MEI4: variants seen among roughly 807,000 people sequenced by gnomAD.
The protein encoded by MEI4 is meiosis-specific protein MEI4.
A neutral mutation model predicts 31.4 loss-of-function variants in MEI4; 27 were observed. The observed-to-expected ratio is 0.86, with a 90% confidence interval of 0.63 to 1.19. MEI4 has a LOEUF of 1.19. Among genes scored for constraint, MEI4 ranks in the 50% most tolerant of loss-of-function variants. The pLI is 0.00. For synonymous variants in MEI4, 122 were observed against 145.4 expected (o/e 0.84, Z 1.16); for missense variants, 329 against 398.9 (o/e 0.82, Z 1.49).
chr6:77,747,521 T>C (rs904506755), intron 2 of MEI4, among the ~76,000 whole-genome samples: 5 of 152,056 alleles, frequency 3.3e-5, no homozygotes, highest in African/African-American at 1.2e-4. Flanking sequence ...CCATCAGATC[T>C]CATGAGAACC....
At chr6:77,767,744 T>A (rs1479413091) in intron 3 of MEI4, among the ~76,000 whole-genome samples, 1 of 152,034 alleles carries the variant, frequency 6.6e-6, no homozygotes, top group Non-Finnish European at 1.5e-5. Context: ...TTAATGTTCC[T>A]GCAATTTTAC....
At chr6:77,858,057 G>A (rs1036360732) in intron 4 of MEI4, among the ~76,000 whole-genome samples, 5 of 152,062 alleles carry the variant, frequency 3.3e-5, no homozygotes, top group African/African-American at 2.4e-5. Context: ...TCATATTCAG[G>A]TATAAGTTTT....
intron 3 of MEI4, among the ~76,000 whole-genome samples, chr6:77,762,270 CTTAT>C (rs922498679): frequency 5.4e-4 from 82 of 152,022 alleles, no homozygotes; most frequent in Non-Finnish European, 9.3e-4. Context: ...TATTTCCTTA[CTTAT>C]TTATTTATTT....
rs139243819 is a variant in MEI4, at chr6:77,759,759, A to G, written c.233-1371A>G. ...CTTAGTTCATTTCACTCTTCACCCA[A>G]TGTTGGGACTAATAGAGGTGCTTTT... On this transcript the variant is annotated intron_variant, in intron 2 of 4. Transcript: ENST00000684080. Among the ~76,000 whole-genome samples the G allele has an allele frequency of 1.4e-3, 214 of 152,152 alleles. 1 individual carries two copies. The highest frequency in any genetic ancestry group is 4.5e-3 in the African/African-American group (187 of 41,524).
At chr6:77,680,899 C>T (rs920396803) in intron 1 of MEI4, among the ~76,000 whole-genome samples, 2 of 152,036 alleles carry the variant, frequency 1.3e-5, no homozygotes, top group African/African-American at 4.8e-5. Flanking sequence ...ATAATGAGCC[C>T]TAAAGAAAAT....
chr6:77,715,075 T>C (rs567487157), intron 2 of MEI4, among the ~76,000 whole-genome samples: 2 of 152,334 alleles, frequency 1.3e-5, no homozygotes, highest in East Asian at 3.9e-4. Context: ...ATGGGTTTGA[T>C]GAATTAAACA....
At chr6:77,752,872 C>G (rs890703373) in intron 2 of MEI4, among the ~76,000 whole-genome samples, 1 of 152,154 alleles carries the variant, frequency 6.6e-6, no homozygotes, top group Non-Finnish European at 1.5e-5. Context: ...CTACAGTAAA[C>G]AAAACAGCAT....
chr6:77,746,230 C>A (rs564542080), intron 2 of MEI4, among the ~76,000 whole-genome samples: 1 of 152,186 alleles, frequency 6.6e-6, no homozygotes, highest in African/African-American at 2.4e-5. Flanking sequence ...GCTAGCAAGA[C>A]TAATAAAGAA....
chr6:77,716,646 A>G (rs187623563), intron 2 of MEI4, among the ~76,000 whole-genome samples: 3 of 152,326 alleles, frequency 2.0e-5, no homozygotes, highest in Non-Finnish European at 2.9e-5. Context: ...AACAATGGTG[A>G]GAATAAAAGT....
intron 2 of MEI4, among the ~76,000 whole-genome samples, chr6:77,703,051 C>T (rs1235030290): frequency 6.6e-6 from 1 of 152,206 alleles, no homozygotes; most frequent in African/African-American, 2.4e-5. Context: ...ATTGTTTAAG[C>T]AGTCTGTCTT....
intron 3 of MEI4, among the ~76,000 whole-genome samples, chr6:77,778,084 A>C (rs1768501718): frequency 6.7e-6 from 1 of 148,754 alleles, no homozygotes; most frequent in South Asian, 2.2e-4. Context: ...TGATATAGCA[A>C]AATTATTGAA....
At position 77,763,869 on chromosome 6, in the gene MEI4, C is replaced by T. The variant is rs146034397; in HGVS notation, c.768+2204C>T. Among the ~76,000 whole-genome samples, 219 of 151,978 alleles carry T rather than the reference C, an allele frequency of 1.4e-3. 1 individual carries two copies. The highest frequency in any genetic ancestry group is 4.5e-3 in the African/African-American group (188 of 41,480). ...TCACTCTGTCACCAGGTTGGAGTGC[C>T]GTGGCACAATCTTGGCTCACTGCAA... is the stretch of plus-strand genomic sequence containing the variant. On this transcript the variant is annotated intron_variant, in intron 3 of 4. Coordinates refer to ENST00000684080, the MANE Select transcript of MEI4 (RefSeq NM_001322247.2).
chr6:77,764,321 C>T (rs1235130673), intron 3 of MEI4, among the ~76,000 whole-genome samples: 4 of 152,132 alleles, frequency 2.6e-5, no homozygotes, highest in Admixed American at 1.3e-4. Context: ...GTAATACCTC[C>T]TTTTTGATTT....
chr6:77,872,738 A>AC (rs1373244681), intron 4 of MEI4, among the ~76,000 whole-genome samples: 1 of 52,646 alleles, frequency 1.9e-5, no homozygotes, highest in African/African-American at 8.0e-5. Flanking sequence ...CCCTCCCCCC[A>AC]CCCCACAACA....
chr6:77,696,374 C>T (rs1288254210), intron 2 of MEI4, among the ~76,000 whole-genome samples: 1 of 152,106 alleles, frequency 6.6e-6, no homozygotes, highest in Non-Finnish European at 1.5e-5. Flanking sequence ...CAGTTTTTGC[C>T]CATTCAATAT....
chr6:77,740,605 A>G (rs910071956), intron 2 of MEI4, among the ~76,000 whole-genome samples: 5 of 152,114 alleles, frequency 3.3e-5, no homozygotes, highest in Non-Finnish European at 5.9e-5. Flanking sequence ...TGGCATAAAC[A>G]TTGCTTTTAA....
chr6:77,873,516 G>A (rs1244759437), intron 4 of MEI4, among the ~76,000 whole-genome samples: 1 of 152,128 alleles, frequency 6.6e-6, no homozygotes, highest in Non-Finnish European at 1.5e-5. Flanking sequence ...CCTTTGTCAG[G>A]TGAGTACGTT....
chr6:77,738,179 G>T (rs574847667), intron 2 of MEI4, among the ~76,000 whole-genome samples: 26 of 152,166 alleles, frequency 1.7e-4, no homozygotes, highest in Non-Finnish European at 3.4e-4. Flanking sequence ...TCCAGAATTT[G>T]AGCACCTAAA....
intron 2 of MEI4, among the ~76,000 whole-genome samples, chr6:77,756,635 C>CTCTCTT (rs1767926069): frequency 6.6e-6 from 1 of 151,306 alleles, no homozygotes; most frequent in African/African-American, 2.4e-5. Flanking sequence ...CTCTCTCTCT[C>CTCTCTT]TCTCTTTCTC....
Sources: allele counts gnomAD v4.1 joint callset (sites outside exome capture counted in the v4.1 genomes callset), GRCh38; gene constraint gnomAD v4.1.1; transcripts MANE v1.5; gene names NCBI Gene and HGNC (gene_info 2026-07-23, HGNC 2026-07-21).